NRXN1: variants seen among roughly 807,000 people sequenced by gnomAD.
The protein encoded by NRXN1 is neurexin 1, also known as neurexin-1.
Under a neutral mutation model 150.9 loss-of-function variants are expected in NRXN1, and 39 were observed. The observed-to-expected ratio is 0.26, with a 90% CI of 0.20 to 0.34. The LOEUF (loss-of-function observed/expected upper bound fraction) is 0.34. Ranked by LOEUF, NRXN1 falls within the 10% of genes least tolerant of loss-of-function variation. The probability of loss-of-function intolerance (pLI) is 1.00; values close to 1 mark genes in which losing one functional copy is unlikely to be tolerated. For synonymous variants in NRXN1, 924 were observed against 757.0 expected (o/e 1.22, Z -3.62); for missense variants, 1,815 against 1,949.9 (o/e 0.93, Z 1.30).
chr2:50,689,395 A>C (rs1410557123), intron 5 of NRXN1, among the ~76,000 whole-genome samples: 1 of 152,174 alleles, frequency 6.6e-6, no homozygotes, highest in Non-Finnish European at 1.5e-5. Flanking sequence ...TCACCACTAC[A>C]AATCAATATA....
intron 13 of NRXN1, among the ~76,000 whole-genome samples, chr2:50,499,612 C>A (rs916854186): frequency 1.3e-5 from 2 of 151,958 alleles, no homozygotes; most frequent in African/African-American, 4.8e-5. Context: ...AAGACACCAG[C>A]AACATTGAAT....
intron 1 of NRXN1, among the ~76,000 whole-genome samples, chr2:51,030,528 C>G (rs936550872): frequency 2.3e-5 from 3 of 131,528 alleles, no homozygotes; most frequent in Non-Finnish European, 4.8e-5. Context: ...CTGGTTCTCT[C>G]TCTTTCAACA....
At position 50,612,811 on chromosome 2, in the gene NRXN1, T is replaced by G. The variant is rs966871989; in HGVS notation, c.1320+7211A>C. 2.0e-5 allele frequency among the ~76,000 whole-genome samples: 3 copies of G among 152,144 alleles called. No individual in the cohort carries two copies. In the South Asian group the frequency reaches 6.2e-4, roughly 32 times the overall value. ...TGTGTTCTGTTGAGGTCTCATGAGTTCTCATTTGCATAAGGGAATGATTAT... is the reference window on the plus strand; with the variant it reads ...TGTGTTCTGTTGAGGTCTCATGAGTGCTCATTTGCATAAGGGAATGATTAT... On this transcript the variant is annotated intron_variant, in intron 8 of 22. Transcript: ENST00000401669.
intron 8 of NRXN1, among the ~76,000 whole-genome samples, chr2:50,571,767 T>C (rs1430533476): frequency 2.0e-5 from 3 of 152,018 alleles, no homozygotes; most frequent in Non-Finnish European, 4.4e-5. Context: ...CAAGGGAAGT[T>C]CCTGCAACAC....
At chr2:50,200,869 T>G (rs1425536870) in intron 18 of NRXN1, among the ~76,000 whole-genome samples, 1 of 152,172 alleles carries the variant, frequency 6.6e-6, no homozygotes, top group Non-Finnish European at 1.5e-5. Context: ...CTCGTCTTCC[T>G]ATTTCTTTTT....
chr2:50,524,740 A>G (rs2092899410), intron 12 of NRXN1, among the ~76,000 whole-genome samples: 2 of 152,144 alleles, frequency 1.3e-5, no homozygotes, highest in African/African-American at 4.8e-5. Flanking sequence ...TTTAGTTTTC[A>G]AAATTTCAAT....
At chr2:50,232,221 A>G (rs2065005323) in intron 18 of NRXN1, among the ~76,000 whole-genome samples, 1 of 152,036 alleles carries the variant, frequency 6.6e-6, no homozygotes, top group South Asian at 2.1e-4. Flanking sequence ...ATATTTATTG[A>G]GGTGGTTACT....
intron 8 of NRXN1, among the ~76,000 whole-genome samples, chr2:50,574,768 T>A (rs137855234): frequency 1.5e-4 from 23 of 152,308 alleles, no homozygotes; most frequent in African/African-American, 5.3e-4. Context: ...ACTTAAGAAG[T>A]GATGACAGCC....
At chr2:50,093,883 T>C (rs4971647) in intron 18 of NRXN1, among the ~76,000 whole-genome samples, 124,252 of 152,138 alleles carry the variant, frequency 0.82, 51,247 homozygotes, top group African/African-American at 0.94. Context: ...TCCACACAGT[T>C]AGGCTCCAGA....
At chr2:50,697,895 T>C (rs2104936336) in intron 5 of NRXN1, among the ~76,000 whole-genome samples, 1 of 152,154 alleles carries the variant, frequency 6.6e-6, no homozygotes, top group East Asian at 1.9e-4. Flanking sequence ...TAGACAGCTC[T>C]CCATAGCTCT....
chr2:49,992,813 C>T (rs529421228), intron 21 of NRXN1, among the ~76,000 whole-genome samples: 14 of 152,196 alleles, frequency 9.2e-5, no homozygotes, highest in African/African-American at 3.4e-4. Flanking sequence ...AAAGATGCTC[C>T]ACATTATACA....
intron 21 of NRXN1, among the ~76,000 whole-genome samples, chr2:50,033,634 A>C (rs1238407513): frequency 6.6e-6 from 1 of 152,106 alleles, no homozygotes; most frequent in East Asian, 1.9e-4. Flanking sequence ...AACAGGATCT[A>C]GTTAAACCAA....
intron 5 of NRXN1, among the ~76,000 whole-genome samples, chr2:50,650,664 T>C (rs1375177248): frequency 6.6e-6 from 1 of 152,066 alleles, no homozygotes; most frequent in Non-Finnish European, 1.5e-5. Flanking sequence ...AATCTAGATT[T>C]TTCTCTTTGT....
intron 17 of NRXN1, among the ~76,000 whole-genome samples, chr2:50,274,309 C>T (rs146328692): frequency 6.6e-6 from 1 of 152,150 alleles, no homozygotes; most frequent in Admixed American, 6.5e-5. Context: ...GGAAACCAAA[C>T]ACTGCATGTT....
At chr2:49,980,340 T>C (rs1679787769) in intron 21 of NRXN1, among the ~76,000 whole-genome samples, 2 of 152,152 alleles carry the variant, frequency 1.3e-5, no homozygotes, top group South Asian at 4.1e-4. Context: ...TCTTCCATAC[T>C]TTAAGAACCT....
At chr2:50,590,155 T>A (rs1467415222) in intron 8 of NRXN1, among the ~76,000 whole-genome samples, 1 of 152,222 alleles carries the variant, frequency 6.6e-6, no homozygotes, top group African/African-American at 2.4e-5. Context: ...AAAGCATTTT[T>A]AGAGTTTTAA....
chr2:50,918,725 A>T (rs1196279965), intron 5 of NRXN1: 1 of 330,356 alleles, frequency 3.0e-6, no homozygotes, highest in Non-Finnish European at 5.6e-6. Flanking sequence ...AGAACAAAAG[A>T]GAAAAGACAT....
chr2:50,582,344 A>G lies in NRXN1; in HGVS notation c.1321-29319T>C, dbSNP rs192385874. 2.7e-4 allele frequency among the ~76,000 whole-genome samples: 41 copies of G among 151,804 alleles called. No homozygotes were observed. In the East Asian group the frequency reaches 7.0e-3, roughly 26 times the overall value. Reference sequence around the variant, plus strand: ...TCAAAACCAGCCTGGGCAGCATGCCAAATCCTCTCACCTGTGGTCCCAGCT... The same window carrying G: ...TCAAAACCAGCCTGGGCAGCATGCCGAATCCTCTCACCTGTGGTCCCAGCT... On this transcript the variant is annotated intron_variant, in intron 8 of 22. Coordinates refer to ENST00000401669, the MANE Select transcript of NRXN1 (RefSeq NM_001330078.2).
In NRXN1 at chr2:51,027,609, TCCTCGCCCG is replaced by T. The variant is rs546508545; in HGVS notation, c.656_664del (p.Ala219_Glu221del). On this transcript the variant is annotated inframe_deletion, in exon 2 of 23. Transcript: ENST00000401669. The stretch of plus-strand genomic sequence containing the variant: ...GTTGAGGCACACCCCGCCCTCGCCC[TCCTCGCCCG>T]CCTCGCACGGGCTTCCCCCGCCGCT... The T allele has an allele frequency of 6.0e-5, 96 of 1,593,602 alleles. 1 individual carries two copies. The highest frequency in any genetic ancestry group is 1.7e-4 in the Middle Eastern group (1 of 6,024).
Sources: allele counts gnomAD v4.1 joint callset (sites outside exome capture counted in the v4.1 genomes callset), GRCh38; gene constraint gnomAD v4.1.1; transcripts MANE v1.5; gene names NCBI Gene and HGNC (gene_info 2026-07-23, HGNC 2026-07-21).